The following VCL variants were observed in gnomAD, a reference collection of about 807,000 sequenced individuals.
VCL encodes epididymis luminal protein 114.
In VCL, 47 loss-of-function variants were observed where a neutral mutation model predicts 125.7. The ratio of observed to expected loss-of-function variants is 0.37; its 90% CI spans 0.30 to 0.48. VCL has a LOEUF of 0.48. Among genes scored for constraint, VCL ranks in the 20% least tolerant of loss-of-function variants. VCL has a pLI of 0.99. For synonymous variants in VCL, 458 were observed against 514.6 expected (o/e 0.89, Z 1.49); for missense variants, 1,069 against 1,455.5 (o/e 0.73, Z 4.32).
intron 10 of VCL, among the ~76,000 whole-genome samples, chr10:74,092,276 A>G (rs1290714020): frequency 1.3e-5 from 2 of 152,148 alleles, no homozygotes; most frequent in Admixed American, 6.5e-5. Context: ...GGCTGAGAGG[A>G]CCTGAGATGG....
In VCL at chr10:74,095,791, C is replaced by T. The variant is rs2131916413; in HGVS notation, c.1679C>T (p.Ala560Val). Residue 560 changes from alanine to valine, a missense_variant, in exon 12 of 22, where the codon GCC becomes GTC. Coordinates refer to ENST00000211998, the MANE Select transcript of VCL (RefSeq NM_014000.3). ...QLTAQLADLA[A>V]RGEGESPQAR... ...ACAGCCCAGCTGGCTGACCTGGCTGCCAGAGGGGAAGGGGAGAGTCCTCAG... is the reference window on the plus strand; with the variant it reads ...ACAGCCCAGCTGGCTGACCTGGCTGTCAGAGGGGAAGGGGAGAGTCCTCAG... The T allele has an allele frequency of 6.2e-7, 1 of 1,614,162 alleles. No homozygotes were observed. Among genetic ancestry groups the T allele is most frequent in the Non-Finnish European group, 8.5e-7 (1 of 1,180,028 alleles).
In VCL at chr10:74,118,594, A is replaced by G; in HGVS notation, c.*425A>G. On this transcript the variant is annotated 3_prime_UTR_variant, in exon 22 of 22. Transcript: ENST00000211998. The stretch of plus-strand genomic sequence containing the variant: ...GACCCAGGGCCCAGGCAAATCAGTT[A>G]CTAAGAAGAAAATTGCTGTGCCTCC... 1 of 257,770 alleles carries G rather than the reference A, an allele frequency of 3.9e-6. No homozygotes were observed. Among genetic ancestry groups the G allele is most frequent in the Non-Finnish European group, 7.7e-6 (1 of 130,006 alleles). The allele number at this position is 257,770 out of a possible 1,614,324, so 16.0% of individuals were successfully genotyped here.
chr10:74,114,449 G>T, intron 20 of VCL, 62 bp downstream of exon 20: 2 of 1,560,706 alleles, frequency 1.3e-6, no homozygotes, highest in Non-Finnish European at 1.7e-6. Flanking sequence ...GTGTGTGTGT[G>T]TGTTGGAGGG....
intron 5 of VCL, among the ~76,000 whole-genome samples, chr10:74,073,716 T>C (rs542387962): frequency 1.2e-3 from 184 of 152,356 alleles, no homozygotes; most frequent in Middle Eastern, 0.01. Flanking sequence ...ACATGGTAGC[T>C]GCTCTCTCGA....
At chr10:74,004,918 T>C (rs1047696272) in intron 1 of VCL, among the ~76,000 whole-genome samples, 1 of 152,076 alleles carries the variant, frequency 6.6e-6, no homozygotes, top group African/African-American at 2.4e-5. Flanking sequence ...TTGGCCAGGG[T>C]GGTCTTGATT....
chr10:74,029,176 T>G (rs1246695068), intron 1 of VCL, among the ~76,000 whole-genome samples: 2 of 151,494 alleles, frequency 1.3e-5, no homozygotes, highest in Admixed American at 1.3e-4. Context: ...TGCAGTGGCG[T>G]GATCTCGGCT....
chr10:74,014,054 T>C (rs986094774), intron 1 of VCL, among the ~76,000 whole-genome samples: 3 of 152,208 alleles, frequency 2.0e-5, no homozygotes, highest in Non-Finnish European at 4.4e-5. Flanking sequence ...GAACCTTTGA[T>C]TGCCAGTTTC....
chr10:74,075,302 T>C (rs542827922), intron 6 of VCL: 47 of 173,246 alleles, frequency 2.7e-4, no homozygotes, highest in Middle Eastern at 2.8e-3. Flanking sequence ...TGGAAAACTT[T>C]TCTTTAACCA....
chr10:74,021,147 C>T (rs1313767979), intron 1 of VCL, among the ~76,000 whole-genome samples: 2 of 152,068 alleles, frequency 1.3e-5, no homozygotes, highest in Non-Finnish European at 2.9e-5. Context: ...GGGCCCAGTG[C>T]AGATGTCACT....
chr10:74,015,510 C>T (rs1333845085), intron 1 of VCL, among the ~76,000 whole-genome samples: 1 of 151,844 alleles, frequency 6.6e-6, no homozygotes, highest in Non-Finnish European at 1.5e-5. Flanking sequence ...CACTGCACTC[C>T]AGCCTGGGTG....
intron 18 of VCL, among the ~76,000 whole-genome samples, chr10:74,110,976 C>T (rs1325212067): frequency 6.6e-6 from 1 of 152,186 alleles, no homozygotes; most frequent in African/African-American, 2.4e-5. Flanking sequence ...AGCTCAGCTG[C>T]AGTCACTTGC....
At chr10:74,076,905 A>G (rs1839594413) in intron 6 of VCL, 1 of 152,646 alleles carries the variant, frequency 6.6e-6, no homozygotes, top group Admixed American at 6.5e-5. Context: ...CAGAAGGGAA[A>G]AGCTATCCAT....
chr10:74,099,046 A>T (rs969413985), intron 13 of VCL, among the ~76,000 whole-genome samples: 7 of 151,998 alleles, frequency 4.6e-5, no homozygotes, highest in Non-Finnish European at 7.4e-5. Context: ...AGCTCTAATT[A>T]TTTTCCTAGT....
chr10:74,052,528 C>T (rs1841321031), intron 2 of VCL, among the ~76,000 whole-genome samples: 1 of 151,880 alleles, frequency 6.6e-6, no homozygotes, highest in Non-Finnish European at 1.5e-5. Context: ...AGGTGTGCAC[C>T]ACTACTCCCA....
Position 74,110,516 on chromosome 10 carries a change from A to G in VCL, c.2745+1360A>G, listed in dbSNP as rs117435088. ...GGAATATCTGTTCGTGTGTCTGTCA[A>G]CCTATCTGTCTTTGTACACTGTGGG... On this transcript the variant is annotated intron_variant, in intron 18 of 21. Transcript: ENST00000211998. Among the ~76,000 whole-genome samples the G allele has an allele frequency of 2.8e-4, 42 of 152,250 alleles. No individual in the cohort carries two copies. In the East Asian group the frequency reaches 7.7e-3, roughly 28 times the overall value.
At chr10:74,096,190 A>G (rs1406911567) in intron 12 of VCL, among the ~76,000 whole-genome samples, 1 of 149,488 alleles carries the variant, frequency 6.7e-6, no homozygotes, top group East Asian at 1.9e-4. Flanking sequence ...TTAAAACTTA[A>G]ATTTATTTAA....
intron 1 of VCL, among the ~76,000 whole-genome samples, chr10:74,016,592 G>GA (rs903986781): frequency 6.6e-5 from 10 of 151,010 alleles, no homozygotes; most frequent in East Asian, 5.8e-4. Context: ...GTCTCAAAAA[G>GA]AAAAAAAAAT....
intron 1 of VCL, among the ~76,000 whole-genome samples, chr10:74,010,587 C>A (rs182505385): frequency 6.6e-6 from 1 of 151,844 alleles, no homozygotes; most frequent in East Asian, 1.9e-4. Flanking sequence ...TTATGTTTCT[C>A]TGGGTATAAA....
chr10:74,105,351 C>T lies in VCL; in HGVS notation c.2432C>T (p.Pro811Leu). Reference protein sequence around the residue: ...AKAVAGNISDPGLQKSFLDSG... With the variant: ...AKAVAGNISDLGLQKSFLDSG... Reference sequence around the variant, plus strand: ...GCTGTGGCTGGAAACATTTCCGACCCTGGTAAGCAATGCATGGCACTATGT... The same window carrying T: ...GCTGTGGCTGGAAACATTTCCGACCTTGGTAAGCAATGCATGGCACTATGT... The change falls in exon 16 of 22, where the codon CCT (proline) becomes CTT (leucine). Residue 811 changes from proline (P) to leucine (L), a missense_variant and splice_region_variant. By Grantham distance (98) the Pro-to-Leu change is moderately conservative. Transcript: ENST00000211998. 1 of 1,612,164 alleles carries T rather than the reference C, an allele frequency of 6.2e-7. No homozygotes were observed. The highest frequency in any genetic ancestry group is 8.5e-7 in the Non-Finnish European group (1 of 1,179,940).
Sources: gnomAD v4.1 joint callset for allele counts (sites outside exome capture counted in the v4.1 genomes callset) on GRCh38, gnomAD v4.1.1 for gene constraint, MANE v1.5 for transcripts, NCBI Gene and HGNC (gene_info 2026-07-23, HGNC 2026-07-21) for gene names.